APOM: variants seen among roughly 807,000 people sequenced by gnomAD.
APOM encodes apolipoprotein M.
A neutral mutation model predicts 23.5 loss-of-function variants in APOM; 24 were observed. The ratio of observed to expected loss-of-function variants is 1.02; its 90% CI spans 0.74 to 1.44. The LOEUF is 1.44. APOM is among the 40% of genes most tolerant of loss of function. The pLI is 0.00. For missense variants in APOM, 200 were observed against 233.2 expected (o/e 0.86, Z 0.93); for synonymous variants, 82 against 84.1 (o/e 0.97, Z 0.14).
intron 1 of APOM, 104 bp from the exon 2 acceptor site, chr6:31,656,368 G>T: frequency 8.0e-7 from 1 of 1,257,180 alleles, no homozygotes; most frequent in South Asian, 1.4e-5. Context: ...GAGGAAGGCA[G>T]CCAACACCTC....
rs752257550 is a variant in APOM, at chr6:31,657,798, G to T, written c.541+75G>T. Reference sequence around the variant, plus strand: ...TGGTGTTACAGGGTGAAAGAGGCTCGTGTGATGTCACCAGAGGGATGTGGC... The same window carrying T: ...TGGTGTTACAGGGTGAAAGAGGCTCTTGTGATGTCACCAGAGGGATGTGGC... On this transcript the variant is annotated intron_variant, in intron 5 of 5. Transcript: ENST00000375916. 3.8e-6 allele frequency: 5 copies of T among 1,331,746 alleles called. No individual in the cohort carries two copies. The East Asian group carries it at 9.2e-5, about 24-fold the overall frequency. 82.5% of individuals were successfully genotyped at this position (1,331,746 alleles called of 1,614,324 possible). A position where few individuals can be genotyped will look rare whatever the true frequency, so the allele number is the denominator to read the frequency against.
intron 5 of APOM, 21 bp from the exon 6 acceptor site, chr6:31,658,043 T>C: frequency 6.2e-7 from 1 of 1,614,006 alleles, no homozygotes; most frequent in Non-Finnish European, 8.5e-7. Flanking sequence ...CTGTCCTTCT[T>C]TTTCCCTCCC....
upstream of APOM, among the ~76,000 whole-genome samples, chr6:31,653,911 A>G (rs146897208): frequency 2.2e-3 from 334 of 152,204 alleles, 4 homozygotes; most frequent in East Asian, 0.018. Context: ...TTGGCCTCCC[A>G]AAGTGCTGGG....
At chr6:31,654,921 A>C (rs376886214), upstream of APOM, among the ~76,000 whole-genome samples, 4 of 152,318 alleles carry the variant, frequency 2.6e-5, no homozygotes, top group East Asian at 7.7e-4. Context: ...CAGATGAAAA[A>C]ACAGACATAG....
chr6:31,656,086 G>A lies in APOM; in HGVS notation c.114+6G>A. ...TGGGCGTGGATGGGAAGGAGGTATG[G>A]ACTGAGATTGGGGGAAGCCTATGGT... On this transcript the variant is annotated splice_donor_region_variant and intron_variant, in intron 1 of 5. Coordinates refer to ENST00000375916, the MANE Select transcript of APOM (RefSeq NM_019101.3). The A allele has an allele frequency of 6.4e-7, 1 of 1,555,460 alleles. No homozygotes were observed. The highest frequency in any genetic ancestry group is 1.2e-5 in the South Asian group (1 of 84,594).
chr6:31,658,006 C>T (rs1252563190), intron 5 of APOM, 58 bp from the exon 6 acceptor site: 1 of 1,583,330 alleles, frequency 6.3e-7, no homozygotes, highest in South Asian at 1.1e-5. Context: ...TTACTATCAA[C>T]TTTGCTTTTC....
At chr6:31,653,062 G>A (rs779471342), upstream of APOM, among the ~76,000 whole-genome samples, 1 of 152,176 alleles carries the variant, frequency 6.6e-6, no homozygotes, top group African/African-American at 2.4e-5. Context: ...GGTTGGGCTA[G>A]ATTTCGGTTC....
upstream of APOM, among the ~76,000 whole-genome samples, chr6:31,655,304 C>T (rs1799927291): frequency 6.6e-6 from 1 of 152,358 alleles, no homozygotes; most frequent in South Asian, 2.1e-4. Flanking sequence ...AGCCAGATTA[C>T]ATAGCCTCTT....
At chr6:31,657,094 C>T (rs576528095) in intron 2 of APOM, 131 bp from the exon 3 acceptor site, 38 of 815,988 alleles carry the variant, frequency 4.7e-5, no homozygotes, top group Non-Finnish European at 6.4e-5. Flanking sequence ...TGCAGTGAGC[C>T]GAGATGGCGC....
chr6:31,656,515 C>A lies in APOM; in HGVS notation c.158C>A (p.Ala53Glu). 6.2e-7 allele frequency: 1 copy of A among 1,614,154 alleles called. No individual in the cohort carries two copies. Among genetic ancestry groups the A allele is most frequent in the Non-Finnish European group, 8.5e-7 (1 of 1,180,022 alleles). Residue 53 changes from alanine (A) to glutamate (E), a missense_variant, in exon 2 of 6, where the codon GCA becomes GAA. Ala to Glu is a moderately radical substitution (Grantham distance 107). Transcript: ENST00000375916. The stretch of plus-strand genomic sequence containing the variant: ...GGCCAGTGGTACTTTATCGCAGGGG[C>A]AGCTCCCACCAAGGAGGAGTTGGCA... ...HLGQWYFIAG[A>E]APTKEELATF...
In APOM at chr6:31,657,233, GGCTCTGT is replaced by G. The variant is rs1800195249; in HGVS notation, c.280_286del (p.Leu94CysfsTer9). On this transcript the variant is annotated frameshift_variant, in exon 3 of 6. Transcript: ENST00000375916. LOFTEE classifies it high-confidence loss of function. ...CACCACCACCTCTGCAGGAAAGATG[GGCTCTGT>G]GTGCCCCGGAAATGGATCTACCACC... 1 of 1,612,872 alleles carries G rather than the reference GGCTCTGT, an allele frequency of 6.2e-7. No homozygotes were observed. The highest frequency in any genetic ancestry group is 8.5e-7 in the Non-Finnish European group (1 of 1,180,026).
At position 31,658,145 on chromosome 6, in the gene APOM, G is replaced by A. The variant is rs1800342816; in HGVS notation, c.*56G>A. 2 of 1,568,804 alleles carry A rather than the reference G, an allele frequency of 1.3e-6. No homozygotes were observed. Among genetic ancestry groups the A allele is most frequent in the African/African-American group, 1.4e-5 (1 of 73,838 alleles). ...TACAATGGGAGCTGAGTTGTTGGAG[G>A]GAGAAGCTGGAGACTTCCAGCTCCA... On this transcript the variant is annotated 3_prime_UTR_variant, in exon 6 of 6. Transcript: ENST00000375916.
upstream of APOM, chr6:31,655,646 A>C (rs1799959273): frequency 3.7e-6 from 1 of 269,310 alleles, no homozygotes; most frequent in African/African-American, 2.2e-5. Context: ...TCAGTGCTGC[A>C]CAGTGCAACA....
chr6:31,656,015 C>G lies in APOM; in HGVS notation c.49C>G (p.Leu17Val), dbSNP rs749631812. Reference sequence around the variant, plus strand: ...TCTGCTCTACTTCTATGGTATTATCCTTAACTCCATCTACCAGTGCCCTGA... The same window carrying G: ...TCTGCTCTACTTCTATGGTATTATCGTTAACTCCATCTACCAGTGCCCTGA... ...AALLYFYGII[L>V]NSIYQCPEHS... The change falls in exon 1 of 6, where the codon CTT becomes GTT. Residue 17 changes from leucine to valine, a missense_variant. By Grantham distance (32) the Leu-to-Val change is conservative. Coordinates refer to ENST00000375916, the MANE Select transcript of APOM (RefSeq NM_019101.3). The G allele has an allele frequency of 6.3e-7, 1 of 1,599,732 alleles. No homozygotes were observed. Among genetic ancestry groups the G allele is most frequent in the East Asian group, 2.2e-5 (1 of 44,540 alleles).
intron 4 of APOM, 36 bp from the exon 5 acceptor site, chr6:31,657,589 G>GGTCAAAACCT: frequency 6.2e-7 from 1 of 1,601,870 alleles, no homozygotes; most frequent in Non-Finnish European, 8.5e-7. Flanking sequence ...TGCTTCCAGG[G>GGTCAAAACCT]GTTTTGACTG....
chr6:31,653,807 T>A (rs1240158216), upstream of APOM, among the ~76,000 whole-genome samples: 1 of 152,070 alleles, frequency 6.6e-6, no homozygotes, highest in Non-Finnish European at 1.5e-5. Flanking sequence ...TCAGCCTCCC[T>A]AGTAGGGACC....
At chr6:31,654,566 T>C (rs1280212772), upstream of APOM, among the ~76,000 whole-genome samples, 1 of 152,134 alleles carries the variant, frequency 6.6e-6, no homozygotes, top group African/African-American at 2.4e-5. Flanking sequence ...CTATACCTCC[T>C]ACTCGGGAAT....
intron 2 of APOM, among the ~76,000 whole-genome samples, chr6:31,656,934 CAGG>C (rs2151144545): frequency 6.6e-6 from 1 of 152,220 alleles, no homozygotes; most frequent in South Asian, 2.1e-4. Context: ...ATCACGAGGT[CAGG>C]AGATCGAGAC....
Position 31,656,494 on chromosome 6 carries a change from A to G in APOM, c.137A>G (p.Gln46Arg), listed in dbSNP as rs2151143354. Residue 46 changes from glutamine (Q) to arginine (R), a missense_variant, in exon 2 of 6, where the codon CAG becomes CGG. Gln to Arg is a conservative substitution (Grantham distance 43). Coordinates refer to ENST00000375916, the MANE Select transcript of APOM (RefSeq NM_019101.3). Reference protein sequence around the residue: ...GKEFPEVHLGQWYFIAGAAPT... With the variant: ...GKEFPEVHLGRWYFIAGAAPT... ...CAGTTCCCAGAGGTCCACTTGGGCC[A>G]GTGGTACTTTATCGCAGGGGCAGCT... 6.2e-7 allele frequency: 1 copy of G among 1,614,092 alleles called. No homozygotes were observed. The highest frequency in any genetic ancestry group is 8.5e-7 in the Non-Finnish European group (1 of 1,180,004).
Sources: gnomAD v4.1 joint callset for allele counts (sites outside exome capture counted in the v4.1 genomes callset) on GRCh38, gnomAD v4.1.1 for gene constraint, MANE v1.5 for transcripts, NCBI Gene and HGNC (gene_info 2026-07-23, HGNC 2026-07-21) for gene names.